The following NINL variants were observed in gnomAD, a reference collection of about 807,000 sequenced individuals.
The protein encoded by NINL is ninein like, also known as ninein-like protein.
Under a neutral mutation model 160.3 loss-of-function variants are expected in NINL, and 153 were observed. That is an observed-to-expected ratio of 0.95 (90% CI 0.84 to 1.09). The LOEUF (loss-of-function observed/expected upper bound fraction) is 1.09. Among genes scored for constraint, NINL ranks in the 50% least tolerant of loss-of-function variants. The pLI, the probability that NINL is intolerant of heterozygous loss-of-function variation, is 0.00. For synonymous variants in NINL, 800 were observed against 734.8 expected, an observed-to-expected ratio of 1.09 and a Z score of -1.43; for missense variants, 1,829 against 1,764.0, an observed-to-expected ratio of 1.04 and a Z score of -0.66.
At chr20:25,470,823 T>C (rs2063076570) in intron 17 of NINL, among the ~76,000 whole-genome samples, 1 of 152,026 alleles carries the variant, frequency 6.6e-6, no homozygotes, top group Non-Finnish European at 1.5e-5. Context: ...AGTGAGACCT[T>C]GTCTGTGAAA....
intron 1 of NINL, among the ~76,000 whole-genome samples, chr20:25,549,413 C>T (rs2064780218): frequency 6.6e-6 from 1 of 152,108 alleles, no homozygotes; most frequent in African/African-American, 2.4e-5. Context: ...GGGCTGGCCC[C>T]GGCACCCATG....
In NINL at chr20:25,500,834, C is replaced by T. The variant is rs1195608805; in HGVS notation, c.1032+6G>A. The stretch of plus-strand genomic sequence containing the variant: ...TGTCCAGCTTAGGCATCACCCAGTT[C>T]CAAACCTGCAAGATCTCCCTGCCAT... On this transcript the variant is annotated splice_donor_region_variant and intron_variant, in intron 8 of 23. Transcript: ENST00000278886. The T allele has an allele frequency of 3.1e-6, 5 of 1,612,426 alleles. No individual in the cohort carries two copies. Among genetic ancestry groups the T allele is most frequent in the Non-Finnish European group, 4.2e-6 (5 of 1,179,164 alleles).
intron 2 of NINL, among the ~76,000 whole-genome samples, chr20:25,524,994 C>T (rs917585382): frequency 2.0e-5 from 3 of 150,884 alleles, no homozygotes; most frequent in Non-Finnish European, 2.9e-5. Context: ...ATAACCAGAG[C>T]GTTGATTTTT....
chr20:25,492,753 T>C (rs1235947959), intron 10 of NINL, among the ~76,000 whole-genome samples: 1 of 152,090 alleles, frequency 6.6e-6, no homozygotes, highest in Non-Finnish European at 1.5e-5. Context: ...CAACATGGTA[T>C]CATTTTTTTA....
chr20:25,489,729 C>G (rs2063581422), intron 12 of NINL, 146 bp downstream of exon 12: 2 of 666,950 alleles, frequency 3.0e-6, no homozygotes, highest in South Asian at 3.5e-5. Flanking sequence ...GAGGGAAGGC[C>G]TCATGCTGAC....
chr20:25,581,669 G>A (rs140324352), intron 1 of NINL, among the ~76,000 whole-genome samples: 8 of 152,194 alleles, frequency 5.3e-5, no homozygotes, highest in South Asian at 2.1e-4. Flanking sequence ...AAAAATTAGC[G>A]GATAACTCTT....
In NINL at chr20:25,480,213, A is replaced by G; in HGVS notation, c.1865T>C (p.Met622Thr). Residue 622 changes from methionine to threonine, a missense_variant, in exon 15 of 24, where the codon ATG becomes ACG. Coordinates refer to ENST00000278886, the MANE Select transcript of NINL (RefSeq NM_025176.6). ...TTGGTAATGCTCCTTTACCTGCTCC[A>G]TCATCAGCTCCGTTTCTATACTCAC... is the stretch of plus-strand genomic sequence containing the variant. ...APVSIETELM[M>T]EQVKEHYQDL... The G allele has an allele frequency of 6.2e-7, 1 of 1,614,072 alleles. No homozygotes were observed. Among genetic ancestry groups the G allele is most frequent in the East Asian group, 2.2e-5 (1 of 44,878 alleles).
At chr20:25,548,450 T>C (rs554901056) in intron 1 of NINL, among the ~76,000 whole-genome samples, 3 of 152,280 alleles carry the variant, frequency 2.0e-5, no homozygotes, top group Non-Finnish European at 4.4e-5. Flanking sequence ...TGCTGGCCTA[T>C]GGGCTGGCCC....
chr20:25,519,490 T>G (rs2064224206), intron 2 of NINL, among the ~76,000 whole-genome samples: 1 of 152,260 alleles, frequency 6.6e-6, no homozygotes, highest in African/African-American at 2.4e-5. Context: ...CCAAATATTT[T>G]GTCTAACATG....
intron 1 of NINL, among the ~76,000 whole-genome samples, chr20:25,574,945 C>T (rs1197302684): frequency 6.6e-6 from 1 of 152,000 alleles, no homozygotes; most frequent in African/African-American, 2.4e-5. Flanking sequence ...CGAAAAACTG[C>T]TGTCAAAATG....
intron 23 of NINL, among the ~76,000 whole-genome samples, chr20:25,454,680 C>T (rs1183286756): frequency 1.3e-5 from 2 of 152,122 alleles, no homozygotes; most frequent in Non-Finnish European, 2.9e-5. Flanking sequence ...GAATGTGGTC[C>T]GTGGCCGGGC....
chr20:25,535,892 A>C (rs2064547461), intron 1 of NINL, among the ~76,000 whole-genome samples: 1 of 152,218 alleles, frequency 6.6e-6, no homozygotes, highest in Non-Finnish European at 1.5e-5. Flanking sequence ...GGAAATGATT[A>C]GAATAATACA....
intron 19 of NINL, among the ~76,000 whole-genome samples, chr20:25,463,903 G>A (rs1464565822): frequency 6.6e-6 from 1 of 152,210 alleles, no homozygotes; most frequent in East Asian, 1.9e-4. Flanking sequence ...GTTAAGAGAA[G>A]CTTCCACCAC....
At chr20:25,515,840 G>A (rs756224999) in intron 3 of NINL, among the ~76,000 whole-genome samples, 3 of 151,984 alleles carry the variant, frequency 2.0e-5, no homozygotes, top group East Asian at 1.9e-4. Context: ...GTGCAATCTC[G>A]GCTCACTGCA....
At chr20:25,479,267 C>G (rs1048694327) in intron 15 of NINL, 61 bp from the exon 16 acceptor site, 2 of 1,534,744 alleles carry the variant, frequency 1.3e-6, no homozygotes, top group East Asian at 2.3e-5. Flanking sequence ...TTGCTGCTGA[C>G]GTAACACAGA....
chr20:25,477,709 C>T (rs890405111), intron 16 of NINL, among the ~76,000 whole-genome samples: 1 of 152,156 alleles, frequency 6.6e-6, no homozygotes, highest in Non-Finnish European at 1.5e-5. Flanking sequence ...CCCTGCAGAG[C>T]GGGGACAGCA....
intron 1 of NINL, among the ~76,000 whole-genome samples, chr20:25,560,542 T>G (rs2064921994): frequency 6.6e-6 from 1 of 152,202 alleles, no homozygotes; most frequent in Non-Finnish European, 1.5e-5. Flanking sequence ...CCAGCAGCCC[T>G]GAGTGCTGCA....
chr20:25,455,357 C>A (rs1057144622), intron 23 of NINL, among the ~76,000 whole-genome samples: 1 of 152,218 alleles, frequency 6.6e-6, no homozygotes, highest in East Asian at 1.9e-4. Context: ...GTCTGGGATG[C>A]AGGCTCAGCC....
chr20:25,553,405 A>G (rs2147103550), intron 1 of NINL, among the ~76,000 whole-genome samples: 1 of 152,340 alleles, frequency 6.6e-6, no homozygotes, highest in Non-Finnish European at 1.5e-5. Flanking sequence ...TGCACACAGT[A>G]CAGGCCCCAG....
Sources: gnomAD v4.1 joint callset for allele counts (sites outside exome capture counted in the v4.1 genomes callset) on GRCh38, gnomAD v4.1.1 for gene constraint, MANE v1.5 for transcripts, NCBI Gene and HGNC (gene_info 2026-07-23, HGNC 2026-07-21) for gene names.